Variants in CATSPERT observed in about 807,000 individuals in gnomAD.
CATSPERT encodes cation channel sperm-associated targeting subunit tau.
the CATSPERT span, among the ~76,000 whole-genome samples, chr2:201,531,683 G>A: frequency 2.0e-5 from 3 of 152,122 alleles, no homozygotes; most frequent in African/African-American, 7.2e-5. Context: ...AGATCCGCAG[G>A]GGAGAGCACT....
At chr2:201,618,878 G>C in the CATSPERT span, 831 of 1,610,790 alleles carry the variant, frequency 5.2e-4, 5 homozygotes, top group Middle Eastern at 2.4e-3. Context: ...TCCAGGTGCC[G>C]GCCAGGCCCC....
At chr2:201,594,991 C>G in the CATSPERT span, among the ~76,000 whole-genome samples, 1 of 152,204 alleles carries the variant, frequency 6.6e-6, no homozygotes, top group Non-Finnish European at 1.5e-5. Flanking sequence ...CAAAGTCATT[C>G]TCCGTCCAGC....
chr2:201,593,782 C>A, the CATSPERT span, among the ~76,000 whole-genome samples: 41 of 140,756 alleles, frequency 2.9e-4, no homozygotes, highest in Non-Finnish European at 2.8e-4. Flanking sequence ...TCTGTTTTAT[C>A]AGAGACTAGG....
the CATSPERT span, among the ~76,000 whole-genome samples, chr2:201,617,899 T>G: frequency 2.6e-5 from 4 of 151,890 alleles, no homozygotes; most frequent in African/African-American, 7.3e-5. Flanking sequence ...GTGGGCAAAG[T>G]ATATGAACAG....
the CATSPERT span, among the ~76,000 whole-genome samples, chr2:201,595,339 C>G: frequency 0.43 from 64,662 of 151,522 alleles, 14,324 homozygotes; most frequent in East Asian, 0.65. Flanking sequence ...CAGGCGCCCG[C>G]CACCTCGCCC....
the CATSPERT span, among the ~76,000 whole-genome samples, chr2:201,558,497 T>C: frequency 6.6e-6 from 1 of 152,354 alleles, no homozygotes; most frequent in African/African-American, 2.4e-5. Flanking sequence ...CAGCCTCTGC[T>C]GCCCTGTCTC....
At chr2:201,586,265 T>C in the CATSPERT span, among the ~76,000 whole-genome samples, 1 of 152,122 alleles carries the variant, frequency 6.6e-6, no homozygotes, top group African/African-American at 2.4e-5. Flanking sequence ...GAAGTCAGTT[T>C]TGACTGCAGA....
At chr2:201,546,773 A>G in the CATSPERT span, among the ~76,000 whole-genome samples, 1 of 152,162 alleles carries the variant, frequency 6.6e-6, no homozygotes, top group Non-Finnish European at 1.5e-5. Context: ...CTACTCCTTT[A>G]TATATACCCC....
chr2:201,487,665 A>T, the CATSPERT span: 11 of 1,613,636 alleles, frequency 6.8e-6, no homozygotes, highest in Non-Finnish European at 9.3e-6. Context: ...TCATAATCTG[A>T]TGTTTTATCA....
chr2:201,563,992 AAAT>A, the CATSPERT span, among the ~76,000 whole-genome samples: 841 of 152,290 alleles, frequency 5.5e-3, 7 homozygotes, highest in African/African-American at 0.019. Context: ...TTTGAGATAG[AAAT>A]ACAACGATGT....
the CATSPERT span, among the ~76,000 whole-genome samples, chr2:201,614,253 A>C: frequency 6.6e-6 from 1 of 152,314 alleles, no homozygotes; most frequent in Middle Eastern, 3.4e-3. Flanking sequence ...AAGATACATA[A>C]TTGTCAGATT....
At chr2:201,515,574 A>G in the CATSPERT span, among the ~76,000 whole-genome samples, 1 of 152,240 alleles carries the variant, frequency 6.6e-6, no homozygotes, top group South Asian at 2.1e-4. Context: ...TGACTTGCCA[A>G]CCAACAGGGC....
the CATSPERT span, among the ~76,000 whole-genome samples, chr2:201,566,666 C>T: frequency 2.6e-5 from 4 of 151,974 alleles, no homozygotes; most frequent in Admixed American, 6.6e-5. Context: ...AATAAACATA[C>T]GTGTGCATGT....
chr2:201,498,047 G>C, the CATSPERT span, among the ~76,000 whole-genome samples: 1 of 152,034 alleles, frequency 6.6e-6, no homozygotes, highest in African/African-American at 2.4e-5. Context: ...AAATCAGGGG[G>C]GTCTGAGAAG....
chr2:201,604,081 A>G, the CATSPERT span, among the ~76,000 whole-genome samples: 3 of 151,994 alleles, frequency 2.0e-5, no homozygotes, highest in Non-Finnish European at 4.4e-5. Context: ...TGAAAACAGA[A>G]TAACAGATTT....
the CATSPERT span, among the ~76,000 whole-genome samples, chr2:201,610,213 G>C: frequency 6.6e-6 from 1 of 152,222 alleles, no homozygotes; most frequent in Admixed American, 6.5e-5. Flanking sequence ...CCAGCACTTC[G>C]GGAGGCTGAG....
chr2:201,581,515 TATATATATAA>T, the CATSPERT span, among the ~76,000 whole-genome samples: 142 of 53,834 alleles, frequency 2.6e-3, 8 homozygotes, highest in African/African-American at 8.1e-3. Flanking sequence ...TATATATATA[TATATATATAA>T]AATATTCTGG....
chr2:201,573,329 T>C, the CATSPERT span, among the ~76,000 whole-genome samples: 1 of 152,164 alleles, frequency 6.6e-6, no homozygotes, highest in Admixed American at 6.5e-5. Flanking sequence ...ATTAGTCTCT[T>C]GATGAATCAA....
chr2:201,540,514 T>A, the CATSPERT span, among the ~76,000 whole-genome samples: 18 of 152,226 alleles, frequency 1.2e-4, no homozygotes, highest in Non-Finnish European at 2.4e-4. Context: ...TTATGTCAAG[T>A]GTACTCTGCC....
Sources: allele counts gnomAD v4.1 joint callset (sites outside exome capture counted in the v4.1 genomes callset), GRCh38; gene constraint gnomAD v4.1.1; transcripts MANE v1.5; gene names NCBI Gene and HGNC (gene_info 2026-07-23, HGNC 2026-07-21).